The following FARP1 variants were observed in gnomAD, a reference collection of about 807,000 sequenced individuals.
The protein encoded by FARP1 is FERM, ARH/RhoGEF and pleckstrin domain protein 1, also known as FERM, ARHGEF and pleckstrin domain-containing protein 1.
FARP1 carries 52 observed loss-of-function variants against 128.8 expected under a neutral mutation model. The ratio of observed to expected loss-of-function variants is 0.40; its 90% confidence interval spans 0.32 to 0.51. The LOEUF is 0.51. FARP1 is among the 20% of genes least tolerant of loss of function. The pLI is 0.45. For synonymous variants in FARP1, 580 were observed against 551.8 expected, an observed-to-expected ratio of 1.05 and a Z score of -0.72; for missense variants, 1,333 against 1,367.9, an observed-to-expected ratio of 0.97 and a Z score of 0.40.
chr13:98,203,468 GC>G (rs1880081556), intron 1 of FARP1, among the ~76,000 whole-genome samples: 1 of 152,166 alleles, frequency 6.6e-6, no homozygotes, highest in Non-Finnish European at 1.5e-5. Context: ...TAAAGCCTTG[GC>G]TGGATATTAC....
chr13:98,178,114 T>C (rs1287429186), intron 1 of FARP1, among the ~76,000 whole-genome samples: 2 of 152,098 alleles, frequency 1.3e-5, no homozygotes, highest in Non-Finnish European at 2.9e-5. Context: ...CAAGCACTTA[T>C]TGTAATGGAA....
intron 1 of FARP1, among the ~76,000 whole-genome samples, chr13:98,175,600 A>C (rs1877952249): frequency 6.6e-6 from 1 of 152,092 alleles, no homozygotes. Flanking sequence ...TATTAGGTAT[A>C]TATATATTGA....
At chr13:98,441,770 C>G (rs1291335166) in intron 24 of FARP1, among the ~76,000 whole-genome samples, 1 of 152,120 alleles carries the variant, frequency 6.6e-6, no homozygotes, top group Admixed American at 6.5e-5. Flanking sequence ...GTCCAGTTTC[C>G]GTGGCTCGCC....
At chr13:98,313,015 C>T (rs765098007) in intron 2 of FARP1, among the ~76,000 whole-genome samples, 7 of 152,070 alleles carry the variant, frequency 4.6e-5, no homozygotes, top group Non-Finnish European at 1.0e-4. Context: ...GTCCTAAGCC[C>T]TGTGAATGTG....
At chr13:98,297,322 TACCTCTCTCG>T (rs1566846721) in intron 2 of FARP1, among the ~76,000 whole-genome samples, 1 of 152,234 alleles carries the variant, frequency 6.6e-6, no homozygotes, top group Non-Finnish European at 1.5e-5. Context: ...TATGTGGACT[TACCTCTCTCG>T]AAGCCATCTG....
intron 1 of FARP1, among the ~76,000 whole-genome samples, chr13:98,178,969 C>G (rs533215270): frequency 6.6e-6 from 1 of 152,146 alleles, no homozygotes. Context: ...TGGAATCCAT[C>G]GGTATTGTTG....
chr13:98,266,482 A>T (rs1335211311), intron 2 of FARP1, among the ~76,000 whole-genome samples: 3 of 151,914 alleles, frequency 2.0e-5, no homozygotes, highest in Non-Finnish European at 4.4e-5. Flanking sequence ...TCCACAGCAA[A>T]CTCCTATCAG....
intron 24 of FARP1, among the ~76,000 whole-genome samples, chr13:98,444,869 G>A (rs942179460): frequency 7.2e-5 from 11 of 152,210 alleles, no homozygotes; most frequent in African/African-American, 2.4e-4. Context: ...CCAAGATGCC[G>A]CATGGGCATC....
chr13:98,437,006 C>T lies in FARP1; in HGVS notation c.2274+1300C>T, dbSNP rs138547097. On this transcript the variant is annotated intron_variant, in intron 19 of 26. Coordinates refer to ENST00000319562, the MANE Select transcript of FARP1 (RefSeq NM_005766.4). ...GTTCAAAGTCTCGCTCTACCAGTGC[C>T]GGGGTGGCGGGGGACCATGCACATG... Among the ~76,000 whole-genome samples, 671 of 152,218 alleles carry T rather than the reference C, an allele frequency of 4.4e-3. 7 individuals carry two copies. Among genetic ancestry groups the T allele is most frequent in the African/African-American group, 0.011 (465 of 41,524 alleles).
rs527925307 is a variant in FARP1, at chr13:98,265,788, T to G, written c.171+52375T>G. Among the ~76,000 whole-genome samples the G allele has an allele frequency of 3.3e-5, 5 of 152,308 alleles. No homozygotes were observed. In the East Asian group the frequency reaches 7.7e-4, roughly 24 times the overall value. On this transcript the variant is annotated intron_variant, in intron 2 of 26. Transcript: ENST00000319562. Reference sequence around the variant, plus strand: ...ACAACTCATGTATATGGGGCTTCTGTTCTGCTGGAAGCTCTGGATCCTGTG... The same window carrying G: ...ACAACTCATGTATATGGGGCTTCTGGTCTGCTGGAAGCTCTGGATCCTGTG...
intron 16 of FARP1, among the ~76,000 whole-genome samples, chr13:98,419,481 A>ACACACACACAC (rs1555294275): frequency 3.1e-5 from 2 of 64,858 alleles, no homozygotes; most frequent in Admixed American, 2.0e-4. Flanking sequence ...TCCAAAAAAA[A>ACACACACACAC]ATACACACAC....
intron 24 of FARP1, among the ~76,000 whole-genome samples, chr13:98,444,752 G>A (rs1256694488): frequency 6.6e-6 from 1 of 152,244 alleles, no homozygotes; most frequent in Non-Finnish European, 1.5e-5. Flanking sequence ...TGGGTGACAT[G>A]TATGAACCCC....
intron 1 of FARP1, chr13:98,175,906 T>A (rs1877977448): frequency 3.9e-6 from 2 of 513,980 alleles, no homozygotes; most frequent in Non-Finnish European, 6.9e-6. Context: ...CCGTTAAGGC[T>A]TAATAGCATT....
At chr13:98,325,609 G>C (rs530626071) in intron 2 of FARP1, among the ~76,000 whole-genome samples, 4 of 152,306 alleles carry the variant, frequency 2.6e-5, no homozygotes, top group Admixed American at 2.6e-4. Context: ...CTGGAACCCA[G>C]AATCAGGTTC....
At chr13:98,325,173 T>G (rs1201228764) in intron 2 of FARP1, among the ~76,000 whole-genome samples, 1 of 152,254 alleles carries the variant, frequency 6.6e-6, no homozygotes, top group Non-Finnish European at 1.5e-5. Flanking sequence ...ATGCATTTGA[T>G]GTTGGAATAG....
chr13:98,281,184 C>G (rs1428870734), intron 2 of FARP1, among the ~76,000 whole-genome samples: 7 of 152,076 alleles, frequency 4.6e-5, no homozygotes, highest in Non-Finnish European at 7.3e-5. Context: ...TAAAGCCTGT[C>G]TCTACTAAAA....
intron 2 of FARP1, among the ~76,000 whole-genome samples, chr13:98,243,558 C>T (rs1281860727): frequency 4.0e-5 from 6 of 151,384 alleles, no homozygotes; most frequent in Non-Finnish European, 8.8e-5. Flanking sequence ...ATTAGCCGGG[C>T]GTGGTGGTGG....
intron 2 of FARP1, among the ~76,000 whole-genome samples, chr13:98,296,358 T>G (rs648444): frequency 0.54 from 81,600 of 151,916 alleles, 22,262 homozygotes; most frequent in East Asian, 0.65. Flanking sequence ...CCTTGAATGC[T>G]ATTTCCCCAG....
chr13:98,443,492 C>T (rs1434427442), intron 24 of FARP1, among the ~76,000 whole-genome samples: 1 of 152,256 alleles, frequency 6.6e-6, no homozygotes, highest in Non-Finnish European at 1.5e-5. Flanking sequence ...CATGACAGGA[C>T]AAAGCAGCTC....
Sources: allele counts gnomAD v4.1 joint callset (sites outside exome capture counted in the v4.1 genomes callset), GRCh38; gene constraint gnomAD v4.1.1; transcripts MANE v1.5; gene names NCBI Gene and HGNC (gene_info 2026-07-23, HGNC 2026-07-21).